NAV2: variants seen among roughly 807,000 people sequenced by gnomAD.
NAV2 encodes neuron navigator 2.
Under a neutral mutation model 223.2 loss-of-function variants are expected in NAV2, and 54 were observed. That is an observed-to-expected ratio of 0.24 (90% CI 0.19 to 0.30). The LOEUF is 0.30. Among genes scored for constraint, NAV2 ranks in the 10% least tolerant of loss-of-function variants. NAV2 has a pLI of 1.00. For missense variants in NAV2, 2,806 were observed against 3,147.5 expected (o/e 0.89, Z 2.60); for synonymous variants, 1,279 against 1,239.3 (o/e 1.03, Z -0.67).
chr11:20,107,007 T>C (rs2062177785), intron 35 of NAV2, among the ~76,000 whole-genome samples: 1 of 149,528 alleles, frequency 6.7e-6, no homozygotes, highest in Non-Finnish European at 1.5e-5. Context: ...AGATGTACCC[T>C]CATTTGCTTA....
chr11:19,449,232 T>C (rs1045831719), intron 1 of NAV2, among the ~76,000 whole-genome samples: 2 of 151,998 alleles, frequency 1.3e-5, no homozygotes, highest in South Asian at 2.1e-4. Context: ...TCCACAGTGA[T>C]ATAAGTGATG....
At chr11:19,518,789 C>T (rs1298492334) in intron 1 of NAV2, among the ~76,000 whole-genome samples, 1 of 152,126 alleles carries the variant, frequency 6.6e-6, no homozygotes, top group Admixed American at 6.5e-5. Flanking sequence ...GGGGTGTTTG[C>T]GCCCCTACTC....
At chr11:19,609,568 C>A (rs763170631) in intron 1 of NAV2, among the ~76,000 whole-genome samples, 1 of 152,116 alleles carries the variant, frequency 6.6e-6, no homozygotes, top group Non-Finnish European at 1.5e-5. Context: ...TTCATCCTGG[C>A]GCTGCAGTTG....
chr11:19,405,088 T>G (rs1849838585), intron 1 of NAV2, among the ~76,000 whole-genome samples: 1 of 152,156 alleles, frequency 6.6e-6, no homozygotes, highest in South Asian at 2.1e-4. Context: ...GAATTAGTAT[T>G]AACTGTCCTA....
chr11:19,407,865 C>A (rs534072583), intron 1 of NAV2, among the ~76,000 whole-genome samples: 1 of 152,244 alleles, frequency 6.6e-6, no homozygotes, highest in East Asian at 1.9e-4. Context: ...TCCTTTGTTT[C>A]ATTGTTCAAA....
At chr11:19,753,944 T>G (rs1430182886) in intron 1 of NAV2, among the ~76,000 whole-genome samples, 1 of 152,206 alleles carries the variant, frequency 6.6e-6, no homozygotes, top group African/African-American at 2.4e-5. Context: ...GGTGGAGGTT[T>G]TGGTAATTCA....
intron 36 of NAV2, among the ~76,000 whole-genome samples, chr11:20,113,290 C>T (rs1313348899): frequency 6.6e-6 from 1 of 152,126 alleles, no homozygotes; most frequent in Non-Finnish European, 1.5e-5. Flanking sequence ...GTACCTGGCA[C>T]AAAGTCAGCT....
At chr11:19,959,648 C>G (rs1264733967) in intron 10 of NAV2, among the ~76,000 whole-genome samples, 1 of 152,186 alleles carries the variant, frequency 6.6e-6, no homozygotes, top group African/African-American at 2.4e-5. Flanking sequence ...TTCAGCGCAT[C>G]GTGCAGGATA....
intron 1 of NAV2, among the ~76,000 whole-genome samples, chr11:19,576,342 C>T (rs989402698): frequency 1.3e-5 from 2 of 152,272 alleles, no homozygotes; most frequent in South Asian, 2.1e-4. Flanking sequence ...CCAAGGCAAG[C>T]GAACAGATTT....
chr11:19,388,500 G>A (rs1404073780), intron 1 of NAV2, among the ~76,000 whole-genome samples: 67 of 152,158 alleles, frequency 4.4e-4, no homozygotes, highest in Admixed American at 4.1e-3. Flanking sequence ...TATTCCATCT[G>A]AGAATCTGTT....
At chr11:19,406,366 C>T (rs886850273) in intron 1 of NAV2, among the ~76,000 whole-genome samples, 4 of 152,114 alleles carry the variant, frequency 2.6e-5, no homozygotes, top group East Asian at 1.9e-4. Flanking sequence ...CTAAACAATA[C>T]GAATGGGGAA....
chr11:19,958,477 T>G (rs2048072050), intron 10 of NAV2, among the ~76,000 whole-genome samples: 1 of 152,096 alleles, frequency 6.6e-6, no homozygotes, highest in Non-Finnish European at 1.5e-5. Flanking sequence ...ACCCTTACCA[T>G]AAGGTGAGGG....
chr11:19,939,504 C>G (rs769727722), intron 7 of NAV2, among the ~76,000 whole-genome samples, 157 bp from the exon 8 acceptor site: 2 of 152,156 alleles, frequency 1.3e-5, no homozygotes, highest in African/African-American at 4.8e-5. Context: ...GCTCCACATA[C>G]GGCTAATGAA....
chr11:19,691,863 C>T (rs557211384), intron 1 of NAV2, among the ~76,000 whole-genome samples: 5 of 152,360 alleles, frequency 3.3e-5, no homozygotes, highest in African/African-American at 1.2e-4. Flanking sequence ...AGACCCCTCC[C>T]TGGCTGGCAC....
chr11:20,038,484 T>G (rs900692024), intron 12 of NAV2, among the ~76,000 whole-genome samples: 1 of 152,258 alleles, frequency 6.6e-6, no homozygotes, highest in Admixed American at 6.5e-5. Context: ...GTGACATTCC[T>G]TTTGTTCCTG....
chr11:20,066,992 C>T (rs1564972593), intron 20 of NAV2, among the ~76,000 whole-genome samples: 1 of 152,112 alleles, frequency 6.6e-6, no homozygotes, highest in Non-Finnish European at 1.5e-5. Flanking sequence ...GCAGCAGGCT[C>T]CCCAATTCAT....
chr11:19,739,676 C>A (rs1338489101), intron 1 of NAV2, among the ~76,000 whole-genome samples: 2 of 152,130 alleles, frequency 1.3e-5, no homozygotes, highest in Non-Finnish European at 2.9e-5. Flanking sequence ...ATGTCTTATA[C>A]CTGGTCAGCT....
chr11:19,637,358 C>T (rs1370341494), intron 1 of NAV2, among the ~76,000 whole-genome samples: 6 of 152,202 alleles, frequency 3.9e-5, no homozygotes, highest in Admixed American at 3.9e-4. Flanking sequence ...CACCTTCAAT[C>T]TTTGTGCACC....
chr11:19,599,610 T>C (rs2046300727), intron 1 of NAV2, among the ~76,000 whole-genome samples: 1 of 152,160 alleles, frequency 6.6e-6, no homozygotes, highest in African/African-American at 2.4e-5. Context: ...GTACCTTGGT[T>C]TATTTAGACA....
Sources: gnomAD v4.1 joint callset for allele counts (sites outside exome capture counted in the v4.1 genomes callset) on GRCh38, gnomAD v4.1.1 for gene constraint, MANE v1.5 for transcripts, NCBI Gene and HGNC (gene_info 2026-07-23, HGNC 2026-07-21) for gene names.